DLC1: variants seen among roughly 807,000 people sequenced by gnomAD.
The protein encoded by DLC1 is rho GTPase-activating protein 7.
Under a neutral mutation model 140.3 loss-of-function variants are expected in DLC1, and 54 were observed. That is an observed-to-expected ratio of 0.38 (90% CI 0.31 to 0.48). The LOEUF (loss-of-function observed/expected upper bound fraction) is 0.48, where lower values mean the gene tolerates loss of function less well. Among genes scored for constraint, DLC1 ranks in the 20% least tolerant of loss-of-function variants. The pLI is 0.96. For missense variants in DLC1, 2,536 were observed against 1,907.0 expected (o/e 1.33, Z -6.14); for synonymous variants, 986 against 728.1 (o/e 1.35, Z -5.70).
intron 4 of DLC1, among the ~76,000 whole-genome samples, chr8:13,314,074 C>A (rs146278215): frequency 6.6e-6 from 1 of 151,964 alleles, no homozygotes; most frequent in Non-Finnish European, 1.5e-5. Flanking sequence ...ACTCATGTGA[C>A]CTTTGGGTGA....
chr8:13,516,175 G>GGGGT (rs138833866), upstream of DLC1, among the ~76,000 whole-genome samples: 600 of 152,000 alleles, frequency 3.9e-3, 6 homozygotes, highest in African/African-American at 0.014. Context: ...TTTGGGGGGG[G>GGGGT]ACTGATGATC....
chr8:13,498,600 T>C lies in DLC1; in HGVS notation c.1023+449A>G, dbSNP rs149856708. ...TGAGGGGATTATTTTAAATATGTGATTTATACCACCTTTTTTTCTTATGAA... is the reference window on the plus strand; with the variant it reads ...TGAGGGGATTATTTTAAATATGTGACTTATACCACCTTTTTTTCTTATGAA... On this transcript the variant is annotated intron_variant, in intron 2 of 17. Coordinates refer to ENST00000276297, the MANE Select transcript of DLC1 (RefSeq NM_182643.3). 3.3e-3 allele frequency among the ~76,000 whole-genome samples: 510 copies of C among 152,296 alleles called. 3 individuals carry two copies. Among genetic ancestry groups the C allele is most frequent in the African/African-American group, 0.012 (497 of 41,562 alleles).
At chr8:13,548,008 A>T (rs1399879715) in intron 1 of DLC1, among the ~76,000 whole-genome samples, 2 of 152,086 alleles carry the variant, frequency 1.3e-5, no homozygotes, top group African/African-American at 2.4e-5. Context: ...TGAATTTAAA[A>T]ATAGCACTTA....
At chr8:13,328,157 G>C (rs1833447104) in intron 4 of DLC1, among the ~76,000 whole-genome samples, 2 of 152,104 alleles carry the variant, frequency 1.3e-5, no homozygotes, top group Admixed American at 6.6e-5. Flanking sequence ...ACCTATACGT[G>C]GGTTTTAAGT....
chr8:13,430,471 A>T (rs530789724), intron 2 of DLC1, among the ~76,000 whole-genome samples: 5 of 152,328 alleles, frequency 3.3e-5, no homozygotes, highest in African/African-American at 4.8e-5. Context: ...GGTGATGATT[A>T]CATATTAGAG....
At position 13,084,080 on chromosome 8, in the gene DLC1, C is replaced by T. The variant is rs1817360511; in HGVS notation, c.*1731G>A. ...AAGAAAAAAGCCTTGAGGTACAAAA[C>T]CCAAAAGAATATCTGAGGTATAAAT... is the stretch of plus-strand genomic sequence containing the variant. On this transcript the variant is annotated 3_prime_UTR_variant, in exon 18 of 18. Coordinates refer to ENST00000276297, the MANE Select transcript of DLC1 (RefSeq NM_182643.3). The T allele has an allele frequency of 6.6e-6, 1 of 152,478 alleles. No individual in the cohort carries two copies. Among genetic ancestry groups the T allele is most frequent in the Non-Finnish European group, 1.5e-5 (1 of 68,006 alleles). 9.4% of individuals were successfully genotyped at this position (152,478 alleles called of 1,614,324 possible).
chr8:13,278,856 A>G (rs944602097), intron 5 of DLC1, among the ~76,000 whole-genome samples: 1 of 152,232 alleles, frequency 6.6e-6, no homozygotes, highest in African/African-American at 2.4e-5. Context: ...CTAGCAAGTC[A>G]TCAGAGATCA....
intron 1 of DLC1, among the ~76,000 whole-genome samples, chr8:13,579,315 T>TTA (rs369773134): frequency 1.9e-4 from 2 of 10,668 alleles, no homozygotes; most frequent in African/African-American, 6.9e-4. Context: ...AGGTCTGACT[T>TTA]TATATATATA....
chr8:13,298,745 A>G (rs748099762), intron 5 of DLC1, among the ~76,000 whole-genome samples: 5 of 152,198 alleles, frequency 3.3e-5, no homozygotes, highest in African/African-American at 1.2e-4. Flanking sequence ...CAGGGGATAA[A>G]AATAACCTGT....
At chr8:13,579,244 G>A (rs1490338448) in intron 1 of DLC1, among the ~76,000 whole-genome samples, 1 of 4,754 alleles carries the variant, frequency 2.1e-4, no homozygotes, top group African/African-American at 2.7e-4. Flanking sequence ...GGAACAGGGA[G>A]CATATATATA....
chr8:13,112,829 G>A (rs1820232349), intron 6 of DLC1, among the ~76,000 whole-genome samples: 2 of 152,110 alleles, frequency 1.3e-5, no homozygotes, highest in African/African-American at 4.8e-5. Flanking sequence ...TTACAGGCAT[G>A]AGCCACCATT....
At chr8:13,333,704 ATT>A (rs1194149881) in intron 4 of DLC1, among the ~76,000 whole-genome samples, 2 of 152,208 alleles carry the variant, frequency 1.3e-5, no homozygotes, top group Admixed American at 1.3e-4. Flanking sequence ...GTACAACAAA[ATT>A]TATAGTAACT....
At chr8:13,235,075 A>AT (rs1316211279) in intron 5 of DLC1, among the ~76,000 whole-genome samples, 6 of 151,924 alleles carry the variant, frequency 3.9e-5, no homozygotes, top group South Asian at 2.1e-4. Context: ...TCTTTTGGTG[A>AT]TTTTTGTATT....
At chr8:13,280,564 G>T (rs1477471486) in intron 5 of DLC1, among the ~76,000 whole-genome samples, 1 of 151,990 alleles carries the variant, frequency 6.6e-6, no homozygotes, top group Non-Finnish European at 1.5e-5. Context: ...ATGTAATTTT[G>T]TCTGATTTAT....
At chr8:13,184,106 G>A (rs1297580857) in intron 5 of DLC1, among the ~76,000 whole-genome samples, 1 of 152,182 alleles carries the variant, frequency 6.6e-6, no homozygotes, top group African/African-American at 2.4e-5. Context: ...TTTGCATAGA[G>A]GTGTTAATAG....
chr8:13,587,296 AAAAG>A (rs1450235564), intron 1 of DLC1, among the ~76,000 whole-genome samples: 1 of 152,012 alleles, frequency 6.6e-6, no homozygotes, highest in Non-Finnish European at 1.5e-5. Context: ...CAAGAAAAAA[AAAAG>A]AGAGAGAAAG....
At chr8:13,556,363 A>G (rs1361000658) in intron 1 of DLC1, among the ~76,000 whole-genome samples, 1 of 152,192 alleles carries the variant, frequency 6.6e-6, no homozygotes, top group African/African-American at 2.4e-5. Flanking sequence ...GCAATCCTAG[A>G]AAATATTGAT....
intron 5 of DLC1, among the ~76,000 whole-genome samples, chr8:13,283,326 AG>A (rs1472486744): frequency 7.0e-6 from 1 of 141,972 alleles, no homozygotes; most frequent in African/African-American, 2.8e-5. Context: ...ACACACACAC[AG>A]AAAAGAAATC....
At chr8:13,521,744 C>T (rs1010338300) in intron 1 of DLC1, among the ~76,000 whole-genome samples, 2 of 152,244 alleles carry the variant, frequency 1.3e-5, no homozygotes, top group African/African-American at 2.4e-5. Context: ...GTCCTTGAAA[C>T]AATATTTGTT....
Sources: gnomAD v4.1 joint callset for allele counts (sites outside exome capture counted in the v4.1 genomes callset) on GRCh38, gnomAD v4.1.1 for gene constraint, MANE v1.5 for transcripts, NCBI Gene and HGNC (gene_info 2026-07-23, HGNC 2026-07-21) for gene names.